HERC1: variants seen among roughly 807,000 people sequenced by gnomAD.
HERC1 encodes HECT and RLD domain containing E3 ubiquitin protein ligase family member 1, also known as probable E3 ubiquitin-protein ligase HERC1.
Under a neutral mutation model 554.3 loss-of-function variants are expected in HERC1, and 160 were observed. The ratio of observed to expected loss-of-function variants is 0.29; its 90% CI spans 0.25 to 0.33. The LOEUF is 0.33. Among genes scored for constraint, HERC1 ranks in the 10% least tolerant of loss-of-function variants. HERC1 has a pLI of 1.00. For synonymous variants in HERC1, 2,175 were observed against 2,131.7 expected (o/e 1.02, Z -0.56); for missense variants, 4,919 against 5,918.5 (o/e 0.83, Z 5.54).
In HERC1 at chr15:63,713,577, T is replaced by C; in HGVS notation, c.4239A>G (p.Arg1413=). 1.2e-6 allele frequency: 2 copies of C among 1,613,854 alleles called. No individual in the cohort carries two copies. The highest frequency in any genetic ancestry group is 1.7e-6 in the Non-Finnish European group (2 of 1,179,852). The change falls in exon 23 of 78, where the codon CGA becomes CGG. Residue 1413 remains arginine (R), a synonymous_variant. Transcript: ENST00000443617. ...RMNSGAGSGA[R]ADDPPPQSQQ... The stretch of plus-strand genomic sequence containing the variant: ...GAGACTGAGGAGGTGGATCATCAGC[T>C]CGAGCCCCAGACCCTGCCCCACTGT...
Position 63,674,807 on chromosome 15 carries a change from T to A in HERC1, c.7381A>T (p.Asn2461Tyr). 1 of 1,613,940 alleles carries A rather than the reference T, an allele frequency of 6.2e-7. No individual in the cohort carries two copies. The highest frequency in any genetic ancestry group is 8.5e-7 in the Non-Finnish European group (1 of 1,179,858). ...TCTAAAGAAAATGAAGCGATTTCAT[T>A]TTCTGATTTGGAGCTTGTGGTACTC... ...SQSTTSSKSE[N>Y]EIASFSLDPT... Residue 2461 changes from asparagine to tyrosine, a missense_variant, in exon 38 of 78, where the codon AAT becomes TAT. Physicochemically the swap from Asn to Tyr is moderately radical, Grantham distance 143. Around this residue, in one of 11 missense-constraint regions of HERC1, gnomAD observed 1,963 missense variants for 2,228.6 expected, o/e 0.88. Coordinates refer to ENST00000443617, the MANE Select transcript of HERC1 (RefSeq NM_003922.4).
intron 77 of HERC1, among the ~76,000 whole-genome samples, chr15:63,609,926 G>C (rs2067516499): frequency 6.6e-6 from 1 of 152,066 alleles, no homozygotes; most frequent in South Asian, 2.1e-4. Flanking sequence ...GTTAAAGGCA[G>C]AAAAAATTCT....
chr15:63,803,510 A>T (rs1018375890), intron 1 of HERC1, among the ~76,000 whole-genome samples: 10 of 152,256 alleles, frequency 6.6e-5, no homozygotes, highest in African/African-American at 2.4e-4. Context: ...GAAGCCTTGA[A>T]CTGCTGGGCT....
intron 2 of HERC1, among the ~76,000 whole-genome samples, chr15:63,772,671 AAG>A (rs1032572300): frequency 1.3e-5 from 2 of 152,126 alleles, no homozygotes; most frequent in Non-Finnish European, 2.9e-5. Context: ...AGAAAACACA[AAG>A]AGGCCTACAC....
chr15:63,755,035 T>C (rs1212862193), intron 6 of HERC1, among the ~76,000 whole-genome samples, 194 bp downstream of exon 6: 5 of 152,218 alleles, frequency 3.3e-5, no homozygotes, highest in South Asian at 4.1e-4. Flanking sequence ...CAGTAAATGC[T>C]TGCTAGATTT....
chr15:63,674,647 C>G lies in HERC1; in HGVS notation c.7541G>C (p.Gly2514Ala). 1.2e-6 allele frequency: 2 copies of G among 1,613,730 alleles called. No individual in the cohort carries two copies. Among genetic ancestry groups the G allele is most frequent in the Non-Finnish European group, 1.7e-6 (2 of 1,179,754 alleles). Reference sequence around the variant, plus strand: ...AAGGGCACTAAGTGACTTCATAGCACCGAGGTAAAGATAGGACAGCTGGAC... The same window carrying G: ...AAGGGCACTAAGTGACTTCATAGCAGCGAGGTAAAGATAGGACAGCTGGAC... ...RAVQLSYLYL[G>A]AMKSLSALLG... Residue 2514 changes from glycine (G) to alanine (A), a missense_variant, in exon 38 of 78, where the codon GGT becomes GCT. Transcript: ENST00000443617.
chr15:63,621,623 A>G (rs1329986836), intron 74 of HERC1, among the ~76,000 whole-genome samples: 1 of 152,220 alleles, frequency 6.6e-6, no homozygotes, highest in East Asian at 1.9e-4. Context: ...ACTTTCAGGT[A>G]CACCAATCAG....
rs182970616 is a variant in HERC1, at chr15:63,614,824, A to T, written c.14094+944T>A. On this transcript the variant is annotated intron_variant, in intron 76 of 77. Coordinates refer to ENST00000443617, the MANE Select transcript of HERC1 (RefSeq NM_003922.4). ...CACAGAACAAGGATAACTCAAATGAAATAGAAAATGCATTCTTCATTCAAT... is the reference window on the plus strand; with the variant it reads ...CACAGAACAAGGATAACTCAAATGATATAGAAAATGCATTCTTCATTCAAT... Among the ~76,000 whole-genome samples the T allele has an allele frequency of 4.6e-5, 7 of 152,356 alleles. No individual in the cohort carries two copies. The East Asian group carries it at 1.3e-3, about 29-fold the overall frequency.
chr15:63,779,844 T>C (rs751036368), intron 1 of HERC1: 3 of 151,748 alleles, frequency 2.0e-5, no homozygotes, highest in East Asian at 1.9e-4. Flanking sequence ...TGAAACCCCG[T>C]CTTTAATAAA....
intron 34 of HERC1, among the ~76,000 whole-genome samples, chr15:63,682,261 T>C (rs1287156518): frequency 6.6e-6 from 1 of 152,160 alleles, no homozygotes; most frequent in Non-Finnish European, 1.5e-5. Context: ...GAGAGTTGGT[T>C]TGCTACCCCA....
At chr15:63,763,376 C>T (rs566426212) in intron 3 of HERC1, among the ~76,000 whole-genome samples, 1 of 152,108 alleles carries the variant, frequency 6.6e-6, no homozygotes, top group Non-Finnish European at 1.5e-5. Flanking sequence ...TGAGACTGAT[C>T]AAGCCTCTGG....
intron 18 of HERC1, 119 bp downstream of exon 18, chr15:63,725,173 A>G (rs1213155080): frequency 3.6e-6 from 3 of 836,174 alleles, no homozygotes; most frequent in Non-Finnish European, 5.6e-6. Flanking sequence ...CAGATTCCCT[A>G]CACTGCTAAT....
chr15:63,676,996 T>C (rs949656131), intron 37 of HERC1, among the ~76,000 whole-genome samples: 4 of 152,204 alleles, frequency 2.6e-5, no homozygotes, highest in Non-Finnish European at 5.9e-5. Context: ...ATCAGAAGTG[T>C]TCTGGATTTC....
chr15:63,618,611 G>A (rs951486062), intron 74 of HERC1, among the ~76,000 whole-genome samples: 6 of 152,088 alleles, frequency 3.9e-5, no homozygotes, highest in Non-Finnish European at 7.4e-5. Context: ...CCATTTTCAC[G>A]ATATTGATTC....
chr15:63,614,646 G>A (rs2067739072), intron 76 of HERC1, among the ~76,000 whole-genome samples: 1 of 152,140 alleles, frequency 6.6e-6, no homozygotes, highest in African/African-American at 2.4e-5. Flanking sequence ...TCCAGCTCTT[G>A]AGAAGACCCC....
intron 26 of HERC1, among the ~76,000 whole-genome samples, chr15:63,697,339 G>A (rs2072474839): frequency 6.6e-6 from 1 of 151,582 alleles, no homozygotes; most frequent in South Asian, 2.1e-4. Context: ...TGGGTTGTCT[G>A]ATTTTTTTCT....
intron 25 of HERC1, 25 bp downstream of exon 25, chr15:63,706,755 C>G (rs1375537124): frequency 5.8e-6 from 8 of 1,386,170 alleles, no homozygotes; most frequent in Non-Finnish European, 5.9e-6. Context: ...AAGATATTTA[C>G]TATGTTCTTA....
At chr15:63,744,160 GTGTGTCTCTCTC>G (rs2074957480) in intron 12 of HERC1, among the ~76,000 whole-genome samples, 5 of 38,976 alleles carry the variant, frequency 1.3e-4, no homozygotes, top group Non-Finnish European at 1.6e-4. Flanking sequence ...GTGTGTGTGT[GTGTGTCTCTCTC>G]TCTCTCTCTC....
rs189155802 is a variant in HERC1 at position 63,675,109 on chromosome 15, G to T, written c.7079C>A (p.Thr2360Asn). ...TGGAGTATCACTAGGCGACCAAAAA[G>T]TTGGGAAGCTTTAATAAAGATCAGA... ...DEAEITISFP[T>N]FWSPSDTPLY... The change falls in exon 38 of 78, where the codon ACT (threonine) becomes AAT (asparagine). Residue 2360 changes from threonine to asparagine, a missense_variant. Coordinates refer to ENST00000443617, the MANE Select transcript of HERC1 (RefSeq NM_003922.4). 4.6e-4 allele frequency: 722 copies of T among 1,582,890 alleles called. No homozygotes were observed. Among genetic ancestry groups the T allele is most frequent in the Non-Finnish European group, 4.9e-5 (57 of 1,162,762 alleles).
Sources: allele counts gnomAD v4.1 joint callset (sites outside exome capture counted in the v4.1 genomes callset), GRCh38; gene constraint gnomAD v4.1.1; regional missense constraint gnomAD v4.1.1; transcripts MANE v1.5; gene names NCBI Gene and HGNC (gene_info 2026-07-23, HGNC 2026-07-21).